PPFIBP1: variants seen among roughly 807,000 people sequenced by gnomAD.
The protein encoded by PPFIBP1 is liprin-beta-1.
Under a neutral mutation model 137.8 loss-of-function variants are expected in PPFIBP1, and 112 were observed. That is an observed-to-expected ratio of 0.81 (90% CI 0.70 to 0.95). PPFIBP1 has a LOEUF of 0.95. Among genes scored for constraint, PPFIBP1 ranks in the 40% least tolerant of loss-of-function variants. The pLI, the probability that PPFIBP1 is intolerant of heterozygous loss-of-function variation, is 0.00. For synonymous variants in PPFIBP1, 378 were observed against 417.3 expected, an observed-to-expected ratio of 0.91 and a Z score of 1.15; for missense variants, 1,083 against 1,196.6, an observed-to-expected ratio of 0.91 and a Z score of 1.40.
At chr12:27,678,806 G>A (rs539618873) in intron 19 of PPFIBP1, among the ~76,000 whole-genome samples, 28 of 138,792 alleles carry the variant, frequency 2.0e-4, no homozygotes, top group Non-Finnish European at 2.9e-4. Context: ...GCAGTAAGCC[G>A]AGATCATGTC....
At chr12:27,544,087 A>T (rs1945969175) in intron 1 of PPFIBP1, among the ~76,000 whole-genome samples, 1 of 151,956 alleles carries the variant, frequency 6.6e-6, no homozygotes, top group Admixed American at 6.6e-5. Context: ...TGGCTGTATT[A>T]TCCAGGCTGG....
intron 7 of PPFIBP1, among the ~76,000 whole-genome samples, chr12:27,652,714 A>G (rs2139676951): frequency 6.6e-6 from 1 of 152,334 alleles, no homozygotes; most frequent in Admixed American, 6.5e-5. Flanking sequence ...GCAAAGAAGA[A>G]AGGAAGCTGT....
intron 2 of PPFIBP1, among the ~76,000 whole-genome samples, chr12:27,622,140 G>T (rs1311295974): frequency 1.3e-5 from 2 of 152,102 alleles, no homozygotes. Flanking sequence ...AACAGACCTG[G>T]ACCATCCTCC....
intron 3 of PPFIBP1, among the ~76,000 whole-genome samples, chr12:27,634,670 C>G (rs1423105655): frequency 2.0e-5 from 3 of 152,182 alleles, no homozygotes; most frequent in Non-Finnish European, 4.4e-5. Flanking sequence ...CTTTTTCTTT[C>G]TATACCCCAT....
chr12:27,524,481 C>A (rs529745221), intron 1 of PPFIBP1, 116 bp downstream of exon 1: 1 of 151,610 alleles, frequency 6.6e-6, no homozygotes, highest in South Asian at 2.1e-4. Context: ...GTGCAACTCA[C>A]TCCTGTTTCC....
rs1247228107 is a variant in PPFIBP1 at position 27,660,908 on chromosome 12, A to C, written c.869A>C (p.Lys290Thr). 2.5e-6 allele frequency: 4 copies of C among 1,613,720 alleles called. No individual in the cohort carries two copies. The South Asian group carries it at 4.4e-5, about 18-fold the overall frequency. ...GACATCGAAGTACAAAAAATGAAAA[A>C]AGCTGTGGAGTCCTTGATGGCAGCA... Reference protein sequence around the residue: ...EKNIEVQKMKKAVESLMAANE... With the variant: ...EKNIEVQKMKTAVESLMAANE... The change falls in exon 11 of 30, where the codon AAA becomes ACA. Residue 290 changes from lysine to threonine, a missense_variant. Transcript: ENST00000228425.
At chr12:27,662,752 A>G (rs766648238) in intron 11 of PPFIBP1, among the ~76,000 whole-genome samples, 1 of 152,238 alleles carries the variant, frequency 6.6e-6, no homozygotes, top group Non-Finnish European at 1.5e-5. Flanking sequence ...GGGACATTCT[A>G]AAGGAGATTT....
intron 4 of PPFIBP1, among the ~76,000 whole-genome samples, chr12:27,637,567 T>C (rs1166712733): frequency 3.8e-4 from 58 of 152,188 alleles, no homozygotes; most frequent in Non-Finnish European, 1.3e-4. Context: ...TCCATCTAAC[T>C]TATCTATATG....
At chr12:27,677,235 C>T in intron 19 of PPFIBP1, 139 bp downstream of exon 19, 1 of 1,060,282 alleles carries the variant, frequency 9.4e-7, no homozygotes, top group South Asian at 1.5e-5. Flanking sequence ...AGTGTTCTTT[C>T]CACCTTCTGC....
intron 2 of PPFIBP1, among the ~76,000 whole-genome samples, chr12:27,630,232 C>G (rs2057165007): frequency 1.3e-5 from 2 of 151,824 alleles, no homozygotes; most frequent in Non-Finnish European, 2.9e-5. Flanking sequence ...TCAACCATAT[C>G]TATATTATGT....
intron 1 of PPFIBP1, chr12:27,548,521 G>A (rs1946448387): frequency 6.6e-6 from 1 of 152,172 alleles, no homozygotes; most frequent in South Asian, 2.1e-4. Flanking sequence ...CTGAACAAAT[G>A]TCTAAAACTG....
chr12:27,683,781 TTTTTA>T (rs1234688776), intron 24 of PPFIBP1, among the ~76,000 whole-genome samples: 1 of 138,962 alleles, frequency 7.2e-6, no homozygotes, highest in African/African-American at 3.4e-5. Flanking sequence ...TTTATTTTTA[TTTTTA>T]TTTTATTTTA....
chr12:27,580,297 T>C (rs2050972166), intron 2 of PPFIBP1, among the ~76,000 whole-genome samples: 1 of 152,194 alleles, frequency 6.6e-6, no homozygotes, highest in Non-Finnish European at 1.5e-5. Context: ...CTTAAAAGTA[T>C]AGAACTAGGA....
chr12:27,535,640 C>T (rs1475028127), intron 1 of PPFIBP1, among the ~76,000 whole-genome samples: 1 of 152,156 alleles, frequency 6.6e-6, no homozygotes, highest in African/African-American at 2.4e-5. Flanking sequence ...CTCGAGCAAT[C>T]CTCTTGCCTT....
intron 1 of PPFIBP1, among the ~76,000 whole-genome samples, chr12:27,550,294 C>A (rs532393845): frequency 5.3e-5 from 8 of 152,222 alleles, no homozygotes; most frequent in African/African-American, 1.9e-4. Flanking sequence ...ATACATTGTC[C>A]CTATGGAGTT....
At chr12:27,632,174 T>G (rs1477690373) in intron 2 of PPFIBP1, among the ~76,000 whole-genome samples, 1 of 152,138 alleles carries the variant, frequency 6.6e-6, no homozygotes, top group Admixed American at 6.5e-5. Flanking sequence ...AAAATAATAT[T>G]TTACAACAAT....
At chr12:27,531,638 G>A (rs541473950) in intron 1 of PPFIBP1, among the ~76,000 whole-genome samples, 192 of 152,146 alleles carry the variant, frequency 1.3e-3, no homozygotes, top group African/African-American at 4.3e-3. Flanking sequence ...GGCATATTCA[G>A]CACATGGAAG....
At chr12:27,562,984 C>T (rs768469708) in intron 1 of PPFIBP1, among the ~76,000 whole-genome samples, 7 of 151,758 alleles carry the variant, frequency 4.6e-5, no homozygotes, top group Admixed American at 1.3e-4. Flanking sequence ...AAGATGTCTC[C>T]CCACGCTGCC....
At position 27,688,381 on chromosome 12, in the gene PPFIBP1, T is replaced by C. The variant is rs777526993; in HGVS notation, c.2454T>C (p.Tyr818=). 1.9e-6 allele frequency: 3 copies of C among 1,614,160 alleles called. No homozygotes were observed. The highest frequency in any genetic ancestry group is 2.2e-5 in the East Asian group (1 of 44,884). ...TGCGCTCCGTGGACTTGGCAGAATA[T>C]GCGCCCAATCTCAGAGGCAGTGGTG... ...EWLRSVDLAE[Y]APNLRGSGVH... Residue 818 remains tyrosine, a synonymous_variant, in exon 26 of 30, where the codon TAT becomes TAC. Transcript: ENST00000228425.
Sources: allele counts gnomAD v4.1 joint callset (sites outside exome capture counted in the v4.1 genomes callset), GRCh38; gene constraint gnomAD v4.1.1; transcripts MANE v1.5; gene names NCBI Gene and HGNC (gene_info 2026-07-23, HGNC 2026-07-21).